The following WDR25 variants were observed in gnomAD, a reference collection of about 807,000 sequenced individuals.
WDR25 encodes WD repeat domain 25.
A neutral mutation model predicts 47.7 loss-of-function variants in WDR25; 35 were observed. That is an observed-to-expected ratio of 0.73 (90% CI 0.56 to 0.97). The LOEUF (loss-of-function observed/expected upper bound fraction) is 0.97. Ranked by LOEUF, WDR25 falls within the 50% of genes least tolerant of loss-of-function variation. WDR25 has a pLI of 0.00. For missense variants in WDR25, 634 were observed against 704.7 expected, an observed-to-expected ratio of 0.90 and a Z score of 1.14; for synonymous variants, 248 against 278.9, an observed-to-expected ratio of 0.89 and a Z score of 1.10.
chr14:100,450,122 G>A (rs148626063), intron 2 of WDR25, among the ~76,000 whole-genome samples: 1 of 152,298 alleles, frequency 6.6e-6, no homozygotes, highest in African/African-American at 2.4e-5. Context: ...TTGCTCCAAT[G>A]CTTAAAAAAC....
At chr14:100,386,573 C>CT (rs1326679963) in intron 2 of WDR25, among the ~76,000 whole-genome samples, 1 of 152,092 alleles carries the variant, frequency 6.6e-6, no homozygotes, top group African/African-American at 2.4e-5. Context: ...TAAATATTGT[C>CT]TTTTTTTGCT....
intron 2 of WDR25, among the ~76,000 whole-genome samples, chr14:100,394,069 T>G (rs776221404): frequency 6.6e-6 from 1 of 152,190 alleles, no homozygotes; most frequent in African/African-American, 2.4e-5. Flanking sequence ...ACGATAACGC[T>G]CTTACAAATG....
chr14:100,381,828 C>A, intron 2 of WDR25, 82 bp downstream of exon 2: 2 of 1,197,200 alleles, frequency 1.7e-6, no homozygotes, highest in Non-Finnish European at 1.2e-6. Context: ...AGGGAGGTTA[C>A]AGGCTGAACT....
chr14:100,442,417 A>G (rs1186080986), intron 2 of WDR25, among the ~76,000 whole-genome samples: 1 of 152,218 alleles, frequency 6.6e-6, no homozygotes, highest in East Asian at 1.9e-4. Flanking sequence ...TCACACATCT[A>G]GCATTGTGGA....
intron 2 of WDR25, among the ~76,000 whole-genome samples, chr14:100,434,532 C>T (rs1032504451): frequency 6.6e-6 from 1 of 152,244 alleles, no homozygotes; most frequent in Non-Finnish European, 1.5e-5. Context: ...TTGTTCCCTG[C>T]TGCCCCCTTT....
rs559590297 is a variant in WDR25, at chr14:100,521,179, GACACAC to G, written c.1102-4671_1102-4666del. Among the ~76,000 whole-genome samples, 180 of 148,180 alleles carry G rather than the reference GACACAC, an allele frequency of 1.2e-3. 1 individual carries two copies. The highest frequency in any genetic ancestry group is 4.2e-3 in the African/African-American group (173 of 40,864). ...CAACAAACACACAGACACACACATA[GACACAC>G]ACACACACACACACACACAGAGAGA... On this transcript the variant is annotated intron_variant, in intron 4 of 6. Transcript: ENST00000402312.
At chr14:100,441,415 T>C (rs1365246521) in intron 2 of WDR25, among the ~76,000 whole-genome samples, 1 of 151,910 alleles carries the variant, frequency 6.6e-6, no homozygotes, top group Non-Finnish European at 1.5e-5. Flanking sequence ...AGGGGGTGGT[T>C]TGCGTCTTAC....
intron 2 of WDR25, among the ~76,000 whole-genome samples, chr14:100,386,522 G>T (rs549024458): frequency 2.0e-5 from 3 of 152,124 alleles, no homozygotes; most frequent in African/African-American, 7.2e-5. Flanking sequence ...TCCTGCTTTT[G>T]TTTAAAAAAT....
chr14:100,382,250 G>A lies in WDR25; in HGVS notation c.822+504G>A, dbSNP rs1439955490. On this transcript the variant is annotated intron_variant, in intron 2 of 6. Transcript: ENST00000402312. ...CCCTGAGCTGTGAGGACGGCCCCCA[G>A]TAGGACACACAGGTGCTCTGGGAGC... The A allele has an allele frequency of 4.9e-5, 34 of 696,550 alleles. No homozygotes were observed. The Admixed American group carries it at 6.4e-4, about 13-fold the overall frequency. 43.1% of individuals were successfully genotyped at this position (696,550 alleles called of 1,614,324 possible). A position where few individuals can be genotyped will look rare whatever the true frequency, so the allele number is the denominator to read the frequency against.
At chr14:100,461,069 TTTAGAAGGGTG>T (rs1899395879) in intron 2 of WDR25, among the ~76,000 whole-genome samples, 1 of 151,776 alleles carries the variant, frequency 6.6e-6, no homozygotes, top group Admixed American at 6.6e-5. Flanking sequence ...AATAAAAACA[TTTAGAAGGGTG>T]ATGTGTGCCT....
At position 100,392,404 on chromosome 14, in the gene WDR25, C is replaced by T. The variant is rs558425501; in HGVS notation, c.822+10658C>T. On this transcript the variant is annotated intron_variant, in intron 2 of 6. Transcript: ENST00000402312. This position sits in a 1 kb window ranked among gnomAD's most constrained non-coding sequence, Gnocchi z 4.2. ...AGCTCTCCAAACTGTGTGATGAAAA[C>T]GTGATCCCAGGGGTCCAAGCCTCTG... Among the ~76,000 whole-genome samples the T allele has an allele frequency of 3.3e-5, 5 of 151,720 alleles. No individual in the cohort carries two copies. Among genetic ancestry groups the T allele is most frequent in the Non-Finnish European group, 7.4e-5 (5 of 67,954 alleles).
chr14:100,379,390 CTTTTTTTTT>C (rs148841833), intron 1 of WDR25, among the ~76,000 whole-genome samples: 1 of 135,446 alleles, frequency 7.4e-6, no homozygotes, highest in African/African-American at 2.7e-5. Context: ...CTTTTTTTTT[CTTTTTTTTT>C]TTTTTTGAGA....
intron 4 of WDR25, among the ~76,000 whole-genome samples, chr14:100,486,047 T>A (rs1347252957): frequency 4.2e-5 from 6 of 143,826 alleles, no homozygotes; most frequent in South Asian, 2.2e-4. Context: ...ACAGTGGCAT[T>A]AAAAAAAAAA....
At chr14:100,429,921 GCCTT>G (rs903184486) in intron 2 of WDR25, among the ~76,000 whole-genome samples, 17 of 152,066 alleles carry the variant, frequency 1.1e-4, no homozygotes, top group Middle Eastern at 3.2e-3. Flanking sequence ...ACCTCATTTA[GCCTT>G]CCTTCCTTCC....
In WDR25 at chr14:100,488,974, C is replaced by G. The variant is rs563026752; in HGVS notation, c.1101+4850C>G. 1.3e-5 allele frequency among the ~76,000 whole-genome samples: 2 copies of G among 152,306 alleles called. No individual in the cohort carries two copies. Among genetic ancestry groups the G allele is most frequent in the East Asian group, 3.9e-4 (2 of 5,180 alleles). On this transcript the variant is annotated intron_variant, in intron 4 of 6. Coordinates refer to ENST00000402312, the MANE Select transcript of WDR25 (RefSeq NM_001161476.3). The surrounding 1 kb of genome is among the most constrained non-coding windows in gnomAD (Gnocchi z 4.2). ...ATAACCTGGAGTGAGCTGATGGGGT[C>G]AGCCGCCACTGTCATTGTGATAGAG...
chr14:100,422,999 A>G (rs1406874320), intron 2 of WDR25, among the ~76,000 whole-genome samples: 1 of 152,006 alleles, frequency 6.6e-6, no homozygotes, highest in African/African-American at 2.4e-5. Context: ...TGTTGGTATG[A>G]CTCATTTATG....
intron 1 of WDR25, among the ~76,000 whole-genome samples, chr14:100,377,551 C>A (rs12892634): frequency 0.35 from 53,313 of 151,602 alleles, 11,693 homozygotes; most frequent in South Asian, 0.66. Flanking sequence ...CTCAGGTAAT[C>A]CGCCCTTCTC....
intron 2 of WDR25, among the ~76,000 whole-genome samples, chr14:100,432,179 A>G (rs1898360088): frequency 6.6e-6 from 1 of 152,232 alleles, no homozygotes; most frequent in African/African-American, 2.4e-5. Flanking sequence ...CAGGTGTTTC[A>G]TTCTCATCTT....
At chr14:100,439,288 G>A (rs1898594493) in intron 2 of WDR25, among the ~76,000 whole-genome samples, 1 of 152,254 alleles carries the variant, frequency 6.6e-6, no homozygotes, top group Non-Finnish European at 1.5e-5. Flanking sequence ...AATGCGTGGT[G>A]GATGGCTCTG....
Sources: allele counts gnomAD v4.1 joint callset (sites outside exome capture counted in the v4.1 genomes callset), GRCh38; gene constraint gnomAD v4.1.1; non-coding constraint Gnocchi (gnomAD v3.1); transcripts MANE v1.5; gene names NCBI Gene and HGNC (gene_info 2026-07-23, HGNC 2026-07-21).